Variants in CYFIP1 observed in about 807,000 individuals in gnomAD.
The protein encoded by CYFIP1 is cytoplasmic FMR1-interacting protein 1.
In CYFIP1, 58 loss-of-function variants were observed where a neutral mutation model predicts 163.5. The observed-to-expected ratio is 0.35, with a 90% CI of 0.29 to 0.44. The LOEUF is 0.44. CYFIP1 is among the 20% of genes least tolerant of loss of function. CYFIP1 has a pLI of 1.00. For missense variants in CYFIP1, 1,338 were observed against 1,653.8 expected, an observed-to-expected ratio of 0.81 and a Z score of 3.31; for synonymous variants, 663 against 660.7, an observed-to-expected ratio of 1.00 and a Z score of -0.05.
At chr15:22,903,436 A>T (rs1036677423) in intron 22 of CYFIP1, among the ~76,000 whole-genome samples, 1 of 152,048 alleles carries the variant, frequency 6.6e-6, no homozygotes, top group South Asian at 2.1e-4. Context: ...AAGCAGACTC[A>T]CCCCACTTCC....
chr15:22,891,883 C>G (rs1040787945), intron 23 of CYFIP1, among the ~76,000 whole-genome samples: 1 of 152,228 alleles, frequency 6.6e-6, no homozygotes, highest in Admixed American at 6.5e-5. Flanking sequence ...TAGAAAGCGT[C>G]CAGGTGCAGG....
At position 22,926,509 on chromosome 15, in the gene CYFIP1, A is replaced by G. The variant is rs564332589; in HGVS notation, c.1234-402T>C. 2.0e-5 allele frequency among the ~76,000 whole-genome samples: 3 copies of G among 152,312 alleles called. No homozygotes were observed. The East Asian group carries it at 5.8e-4, about 29-fold the overall frequency. Reference sequence around the variant, plus strand: ...CAATATAGTGAGGCCTCATCTCTACAAAAAATAAAATAATAAGTAAGTAAA... The same window carrying G: ...CAATATAGTGAGGCCTCATCTCTACGAAAAATAAAATAATAAGTAAGTAAA... On this transcript the variant is annotated intron_variant, in intron 12 of 30. Transcript: ENST00000617928.
chr15:22,963,293 T>TCGGGCGCTCGAGAG (rs143085639), intron 1 of CYFIP1, among the ~76,000 whole-genome samples: 1 of 151,742 alleles, frequency 6.6e-6, no homozygotes, highest in African/African-American at 2.4e-5. Context: ...TCACCTGAGG[T>TCGGGCGCTCGAGAG]CAGCCTGACC....
rs1291073446 is a variant in CYFIP1, at chr15:22,868,334, A to AGACTC, written c.*1689_*1693dup. On this transcript the variant is annotated 3_prime_UTR_variant, in exon 31 of 31. Transcript: ENST00000617928. ...CCAGTTTTCTCCCCCTTGAGGACAGAGACTCATTTGAACATGCATAGGTTA... is the reference window on the plus strand; with the variant it reads ...CCAGTTTTCTCCCCCTTGAGGACAGAGACTCGACTCATTTGAACATGCATAGGTTA... 14 of 152,126 alleles carry AGACTC rather than the reference A, an allele frequency of 9.2e-5. No individual in the cohort carries two copies. Among genetic ancestry groups the AGACTC allele is most frequent in the African/African-American group, 3.4e-4 (14 of 41,416 alleles). The allele number at this position is 152,126 out of a possible 1,614,324, so 9.4% of individuals were successfully genotyped here.
At chr15:22,909,059 G>A in intron 21 of CYFIP1, 135 bp downstream of exon 21, 1 of 1,122,988 alleles carries the variant, frequency 8.9e-7, no homozygotes, top group Non-Finnish European at 1.3e-6. Context: ...CGCCCAGTGA[G>A]TGCATCTCTT....
chr15:22,878,844 T>C (rs1033056647), intron 26 of CYFIP1, among the ~76,000 whole-genome samples: 4 of 151,782 alleles, frequency 2.6e-5, no homozygotes, highest in East Asian at 1.9e-4. Flanking sequence ...TGTAGAAAAA[T>C]AGGCAAAAGA....
At position 22,872,645 on chromosome 15, in the gene CYFIP1, G is replaced by T. The variant is rs2059470351; in HGVS notation, c.3597+180C>A. The T allele has an allele frequency of 4.9e-6, 3 of 606,196 alleles. No individual in the cohort carries two copies. In the South Asian group the frequency reaches 6.1e-5, roughly 12 times the overall value. 37.6% of individuals were successfully genotyped at this position (606,196 alleles called of 1,614,324 possible). The stretch of plus-strand genomic sequence containing the variant: ...AAACGGAACAATGAGTATTTTCTCT[G>T]CCAGACTGCTTTACTGGCCAATTAT... On this transcript the variant is annotated intron_variant, in intron 30 of 30. Transcript: ENST00000617928.
Position 22,927,966 on chromosome 15 carries a change from G to A in CYFIP1, c.1173C>T (p.Phe391=), listed in dbSNP as rs1181767276. ...GCTGCAGGCCCTGCAGCGCCAGGTC[G>A]AAGAGCTTGCGGTACTCCGCGTCCG... The part of the protein sequence containing the change: ...QKTDAEYRKL[F]DLALQGLQLL... Residue 391 remains phenylalanine, a synonymous_variant, in exon 12 of 31, where the codon TTC becomes TTT. Coordinates refer to ENST00000617928, the MANE Select transcript of CYFIP1 (RefSeq NM_014608.6). 6.2e-7 allele frequency: 1 copy of A among 1,604,966 alleles called. No homozygotes were observed.
intron 21 of CYFIP1, among the ~76,000 whole-genome samples, chr15:22,908,370 A>G (rs1435418852): frequency 6.6e-6 from 1 of 152,114 alleles, no homozygotes; most frequent in Non-Finnish European, 1.5e-5. Flanking sequence ...ACACATCCTC[A>G]CTGGGAAACC....
At chr15:22,978,751 C>T (rs1335782264) in intron 1 of CYFIP1, among the ~76,000 whole-genome samples, 1 of 152,034 alleles carries the variant, frequency 6.6e-6, no homozygotes, top group Admixed American at 6.6e-5. Context: ...TCTTCAGGGA[C>T]AAACCAGAGC....
chr15:22,893,321 C>A (rs755301794), intron 22 of CYFIP1, among the ~76,000 whole-genome samples: 1 of 152,036 alleles, frequency 6.6e-6, no homozygotes, highest in Non-Finnish European at 1.5e-5. Context: ...GTGACGAGAA[C>A]GGCGACGCCC....
At chr15:22,938,822 G>C (rs1432692340) in intron 8 of CYFIP1, among the ~76,000 whole-genome samples, 1 of 150,136 alleles carries the variant, frequency 6.7e-6, no homozygotes, top group Non-Finnish European at 1.5e-5. Flanking sequence ...AGGATCACTT[G>C]AGCCCAGGAG....
At chr15:22,914,998 A>C in intron 16 of CYFIP1, 116 bp from the exon 17 acceptor site, 1 of 1,126,810 alleles carries the variant, frequency 8.9e-7, no homozygotes, top group Non-Finnish European at 1.2e-6. Flanking sequence ...GCCCCAAGCC[A>C]TGCAGCATGG....
At chr15:22,973,357 A>G (rs2140269251) in intron 1 of CYFIP1, among the ~76,000 whole-genome samples, 1 of 148,246 alleles carries the variant, frequency 6.7e-6, no homozygotes, top group Non-Finnish European at 1.5e-5. Context: ...CTCCCTAACC[A>G]TTAGCAGTTA....
intron 23 of CYFIP1, among the ~76,000 whole-genome samples, chr15:22,883,613 G>A (rs7181119): frequency 6.6e-6 from 1 of 151,840 alleles, no homozygotes; most frequent in Non-Finnish European, 1.5e-5. Flanking sequence ...GTCAGGAGAT[G>A]GAGACCATCC....
intron 20 of CYFIP1, 129 bp downstream of exon 20, chr15:22,910,391 A>C (rs533830535): frequency 2.9e-6 from 2 of 689,096 alleles, no homozygotes; most frequent in East Asian, 5.4e-5. Flanking sequence ...TGAACTCCTA[A>C]CCTCAGGTGA....
At chr15:22,904,159 G>T (rs1157875103) in intron 21 of CYFIP1, 2 of 558,874 alleles carry the variant, frequency 3.6e-6, no homozygotes, top group Non-Finnish European at 6.4e-6. Flanking sequence ...CCAGCACCCT[G>T]TGGGGCAGCG....
intron 1 of CYFIP1, among the ~76,000 whole-genome samples, chr15:22,958,816 C>A (rs1367218213): frequency 1.3e-5 from 2 of 152,220 alleles, no homozygotes; most frequent in Admixed American, 1.3e-4. Flanking sequence ...CCCAGAGTGC[C>A]CCAGGAGGGC....
Position 22,945,293 on chromosome 15 carries a change from G to A in CYFIP1, c.208-354C>T, listed in dbSNP as rs190166801. ...AGGGCTCAGGGCAGACGCCCTGCCC[G>A]GTGTGAGCACACACAGGATCCCCAT... On this transcript the variant is annotated intron_variant, in intron 3 of 30. Coordinates refer to ENST00000617928, the MANE Select transcript of CYFIP1 (RefSeq NM_014608.6). Among the ~76,000 whole-genome samples the A allele has an allele frequency of 1.5e-4, 23 of 152,300 alleles. No homozygotes were observed. The East Asian group carries it at 1.9e-3, about 13-fold the overall frequency.
Sources: gnomAD v4.1 joint callset for allele counts (sites outside exome capture counted in the v4.1 genomes callset) on GRCh38, gnomAD v4.1.1 for gene constraint, MANE v1.5 for transcripts, NCBI Gene and HGNC (gene_info 2026-07-23, HGNC 2026-07-21) for gene names.